The following FNBP1L variants were observed in gnomAD, a reference collection of about 807,000 sequenced individuals.
FNBP1L encodes the protein formin-binding protein 1-like.
A neutral mutation model predicts 91.2 loss-of-function variants in FNBP1L; 36 were observed. The observed-to-expected ratio is 0.39, with a 90% CI of 0.30 to 0.52. FNBP1L has a LOEUF of 0.52. Among genes scored for constraint, FNBP1L ranks in the 20% least tolerant of loss-of-function variants. FNBP1L has a pLI of 0.66. For synonymous variants in FNBP1L, 242 were observed against 237.0 expected, an observed-to-expected ratio of 1.02 and a Z score of -0.19; for missense variants, 571 against 732.1, an observed-to-expected ratio of 0.78 and a Z score of 2.54.
Position 93,532,910 on chromosome 1 carries a change from C to T in FNBP1L, c.640-12C>T, listed in dbSNP as rs1303951423. 6.3e-7 allele frequency: 1 copy of T among 1,576,530 alleles called. No homozygotes were observed. The highest frequency in any genetic ancestry group is 2.3e-5 in the East Asian group (1 of 44,172). On this transcript the variant is annotated splice_polypyrimidine_tract_variant and intron_variant, in intron 7 of 16. Transcript: ENST00000271234. Reference sequence around the variant, plus strand: ...TCAGTTTTCTCTTTTTAAAAAAATTCTTGATTATTAGCAACTACAAGAAAT... The same window carrying T: ...TCAGTTTTCTCTTTTTAAAAAAATTTTTGATTATTAGCAACTACAAGAAAT...
rs1670372734 is a variant in FNBP1L, at chr1:93,499,455, CT to C, written c.25-11del. 5 of 1,529,966 alleles carry C rather than the reference CT, an allele frequency of 3.3e-6. No individual in the cohort carries two copies. Among genetic ancestry groups the C allele is most frequent in the Non-Finnish European group, 3.6e-6 (4 of 1,124,762 alleles). The allele number at this position is 1,529,966 out of a possible 1,614,324, so 94.8% of individuals were successfully genotyped here. A position where few individuals can be genotyped will look rare whatever the true frequency, so the allele number is the denominator to read the frequency against. ...TAGACTTTTGAAAATGCATTTTTAT[CT>C]TCCTTTTCCAGGATCAGTTCGACAG... On this transcript the variant is annotated splice_polypyrimidine_tract_variant and intron_variant, in intron 1 of 16. Transcript: ENST00000271234.
At position 93,482,203 on chromosome 1, in the gene FNBP1L, TAAAC is replaced by T. The variant is rs1230831722; in HGVS notation, c.25-17263_25-17260del. Among the ~76,000 whole-genome samples the T allele has an allele frequency of 4.6e-5, 7 of 152,196 alleles. No homozygotes were observed. In the South Asian group the frequency reaches 6.2e-4, roughly 14 times the overall value. Reference sequence around the variant, plus strand: ...GTAAAAAATAAATAAATCTACCAAATAAACACAAGCACAACCCAAAAAATTTTTT... The same window carrying T: ...GTAAAAAATAAATAAATCTACCAAATACAAGCACAACCCAAAAAATTTTTT... On this transcript the variant is annotated intron_variant, in intron 1 of 16. Transcript: ENST00000271234.
chr1:93,454,877 G>T lies in FNBP1L; in HGVS notation c.24+6572G>T, dbSNP rs529155036. Among the ~76,000 whole-genome samples, 15 of 152,136 alleles carry T rather than the reference G, an allele frequency of 9.9e-5. 1 individual carries two copies. In the South Asian group the frequency reaches 3.1e-3, roughly 32 times the overall value. ...ATATGGGACGATGTGTGTAGGTTAT[G>T]TGGGTTATGTGCATATACTGTGCTG... On this transcript the variant is annotated intron_variant, in intron 1 of 16. Transcript: ENST00000271234.
chr1:93,499,638 A>C, intron 2 of FNBP1L, 55 bp downstream of exon 2: 1 of 1,007,440 alleles, frequency 9.9e-7, no homozygotes, highest in Non-Finnish European at 1.5e-6. Flanking sequence ...TAAACAGTTG[A>C]ATATTAGAGG....
intron 11 of FNBP1L, 42 bp downstream of exon 11, chr1:93,541,098 G>A (rs752105964): frequency 1.3e-6 from 2 of 1,521,004 alleles, no homozygotes; most frequent in Non-Finnish European, 1.8e-6. Flanking sequence ...CCAACATTAA[G>A]TAATCTCAAA....
chr1:93,507,344 G>C (rs1463343716), intron 2 of FNBP1L, among the ~76,000 whole-genome samples: 1 of 152,112 alleles, frequency 6.6e-6, no homozygotes, highest in Non-Finnish European at 1.5e-5. Context: ...CCTGGATTTA[G>C]AGAGGGGTGA....
At position 93,481,886 on chromosome 1, in the gene FNBP1L, A is replaced by G. The variant is rs190877810; in HGVS notation, c.25-17582A>G. On this transcript the variant is annotated intron_variant, in intron 1 of 16. Coordinates refer to ENST00000271234, the MANE Select transcript of FNBP1L (RefSeq NM_001164473.3). The stretch of plus-strand genomic sequence containing the variant: ...AATAAAAATCTGCCAAAGGCTGGGC[A>G]CAGTGGCTCACACCTGTAATCCCAG... Among the ~76,000 whole-genome samples, 5 of 152,310 alleles carry G rather than the reference A, an allele frequency of 3.3e-5. No individual in the cohort carries two copies. In the East Asian group the frequency reaches 9.6e-4, roughly 29 times the overall value.
At chr1:93,458,540 T>C (rs1469689418) in intron 1 of FNBP1L, among the ~76,000 whole-genome samples, 3 of 152,182 alleles carry the variant, frequency 2.0e-5, no homozygotes, top group Non-Finnish European at 4.4e-5. Flanking sequence ...GAAGAAAATA[T>C]AGTTCCATGA....
At chr1:93,487,304 C>T (rs1440640538) in intron 1 of FNBP1L, among the ~76,000 whole-genome samples, 1 of 152,070 alleles carries the variant, frequency 6.6e-6, no homozygotes, top group African/African-American at 2.4e-5. Flanking sequence ...TTTGCCCATT[C>T]TTTACTCCCC....
At chr1:93,524,526 ACT>A (rs1420699136) in intron 5 of FNBP1L, among the ~76,000 whole-genome samples, 1 of 149,398 alleles carries the variant, frequency 6.7e-6, no homozygotes, top group Admixed American at 6.7e-5. Flanking sequence ...GTCCTTTATA[ACT>A]CTATACTTAA....
chr1:93,524,567 C>T (rs1671435816), intron 5 of FNBP1L, among the ~76,000 whole-genome samples: 1 of 141,342 alleles, frequency 7.1e-6, no homozygotes, highest in Non-Finnish European at 1.5e-5. Context: ...TCATTGTGAA[C>T]ATTTAAGGAG....
chr1:93,526,413 A>G (rs1051883261), intron 5 of FNBP1L, among the ~76,000 whole-genome samples: 4 of 152,194 alleles, frequency 2.6e-5, no homozygotes, highest in Non-Finnish European at 5.9e-5. Context: ...GTAGGCTTAA[A>G]GAGCTAAACA....
chr1:93,503,473 A>T (rs944421890), intron 2 of FNBP1L, among the ~76,000 whole-genome samples: 3 of 152,214 alleles, frequency 2.0e-5, no homozygotes, highest in African/African-American at 7.2e-5. Context: ...AATATATTAC[A>T]AGATTAAAAT....
chr1:93,456,602 C>CAAAAAAAAA (rs60167572), intron 1 of FNBP1L, among the ~76,000 whole-genome samples: 109 of 53,312 alleles, frequency 2.0e-3, no homozygotes, highest in Non-Finnish European at 3.8e-3. Context: ...CCTTCTCTAC[C>CAAAAAAAAA]AAAAAAAAAA....
intron 2 of FNBP1L, among the ~76,000 whole-genome samples, chr1:93,514,361 C>G (rs1000467408): frequency 1.3e-5 from 2 of 150,538 alleles, no homozygotes; most frequent in African/African-American, 4.9e-5. Context: ...TTTACAGATT[C>G]AATGCCATCC....
At chr1:93,500,910 T>A (rs1308269080) in intron 2 of FNBP1L, among the ~76,000 whole-genome samples, 1 of 152,182 alleles carries the variant, frequency 6.6e-6, no homozygotes, top group African/African-American at 2.4e-5. Context: ...ATTTTCCACA[T>A]GAGAGTATAA....
chr1:93,497,380 ATTG>A, intron 1 of FNBP1L, among the ~76,000 whole-genome samples: 1 of 152,200 alleles, frequency 6.6e-6, no homozygotes, highest in South Asian at 2.1e-4. Flanking sequence ...ACCTTTGCAT[ATTG>A]GCAGGTGGGT....
chr1:93,513,161 A>T (rs1021994463), intron 2 of FNBP1L, among the ~76,000 whole-genome samples: 5 of 152,214 alleles, frequency 3.3e-5, no homozygotes, highest in African/African-American at 9.6e-5. Context: ...ATAAACTAGA[A>T]AATCTAGAAG....
At chr1:93,479,137 T>TG (rs1413772033) in intron 1 of FNBP1L, among the ~76,000 whole-genome samples, 1 of 152,158 alleles carries the variant, frequency 6.6e-6, no homozygotes, top group East Asian at 1.9e-4. Flanking sequence ...GCTGGGCCGC[T>TG]GGGGGTGACA....
Sources: gnomAD v4.1 joint callset for allele counts (sites outside exome capture counted in the v4.1 genomes callset) on GRCh38, gnomAD v4.1.1 for gene constraint, MANE v1.5 for transcripts, NCBI Gene and HGNC (gene_info 2026-07-23, HGNC 2026-07-21) for gene names.